CSMD3: variants seen among roughly 807,000 people sequenced by gnomAD.
The protein encoded by CSMD3 is CUB and sushi domain-containing protein 3.
In CSMD3, 177 loss-of-function variants were observed where a neutral mutation model predicts 435.2. The observed-to-expected ratio is 0.41, with a 90% CI of 0.36 to 0.46. The LOEUF is 0.46. Ranked by LOEUF, CSMD3 falls within the 20% of genes least tolerant of loss-of-function variation. The pLI, the probability that CSMD3 is intolerant of heterozygous loss-of-function variation, is 0.34. For synonymous variants in CSMD3, 1,656 were observed against 1,520.5 expected (o/e 1.09, Z -2.07); for missense variants, 4,265 against 4,504.6 (o/e 0.95, Z 1.52).
intron 13 of CSMD3, among the ~76,000 whole-genome samples, chr8:112,739,759 G>A (rs778203226): frequency 7.2e-5 from 11 of 151,848 alleles, no homozygotes; most frequent in East Asian, 1.9e-4. Context: ...GTATAGCATT[G>A]TATAGATAAT....
chr8:112,727,724 T>C (rs2076995587), intron 13 of CSMD3, among the ~76,000 whole-genome samples: 1 of 151,868 alleles, frequency 6.6e-6, no homozygotes, highest in Admixed American at 6.6e-5. Flanking sequence ...TAGGATTGAT[T>C]ATTGATCTAT....
chr8:113,195,526 A>G (rs2092641401), intron 3 of CSMD3, among the ~76,000 whole-genome samples: 1 of 150,714 alleles, frequency 6.6e-6, no homozygotes, highest in South Asian at 2.1e-4. Context: ...TAATATAAGT[A>G]TATCTCAAGT....
At position 113,436,690 on chromosome 8, in the gene CSMD3, C is replaced by A. The variant is rs752456627; in HGVS notation, c.165G>T (p.Val55=). The change falls in exon 1 of 71, where the codon GTG becomes GTT. Residue 55 remains valine, a synonymous_variant. Coordinates refer to ENST00000297405, the MANE Select transcript of CSMD3 (RefSeq NM_198123.2). The stretch of plus-strand genomic sequence containing the variant: ...AAGCAGACCTACCTTTCACACAAGA[C>A]ACCGTCAATAAAAAGACGAGGTTCC... ...TFWNLVFLLT[V]SCVKGFIYTC... 1.2e-6 allele frequency: 2 copies of A among 1,614,062 alleles called. No individual in the cohort carries two copies. The highest frequency in any genetic ancestry group is 1.7e-6 in the Non-Finnish European group (2 of 1,180,044).
chr8:113,335,980 T>C (rs1417886647), intron 1 of CSMD3, among the ~76,000 whole-genome samples: 1 of 152,062 alleles, frequency 6.6e-6, no homozygotes, highest in African/African-American at 2.4e-5. Flanking sequence ...ATTTAGAAAA[T>C]TTTTAGTCAT....
At chr8:113,046,743 G>C (rs1307963393) in intron 5 of CSMD3, among the ~76,000 whole-genome samples, 1 of 152,226 alleles carries the variant, frequency 6.6e-6, no homozygotes, top group East Asian at 1.9e-4. Context: ...GGGAGTCAGG[G>C]ACTTGGAGGG....
At chr8:112,680,769 C>T (rs144176777) in intron 16 of CSMD3, among the ~76,000 whole-genome samples, 11 of 152,180 alleles carry the variant, frequency 7.2e-5, no homozygotes, top group African/African-American at 2.4e-4. Flanking sequence ...CATCATGAGA[C>T]ATTATGAAAA....
At chr8:112,618,314 T>C (rs1004281104) in intron 22 of CSMD3, among the ~76,000 whole-genome samples, 4 of 151,850 alleles carry the variant, frequency 2.6e-5, no homozygotes, top group South Asian at 4.1e-4. Context: ...GGAACAGAAA[T>C]AGAAATAAAA....
intron 6 of CSMD3, among the ~76,000 whole-genome samples, chr8:113,008,705 C>CTAAAA (rs1487199622): frequency 2.6e-5 from 4 of 151,464 alleles, no homozygotes; most frequent in African/African-American, 7.3e-5. Flanking sequence ...CTTTCTAGTA[C>CTAAAA]TATATATTGA....
At chr8:112,712,821 T>G (rs1484174686) in intron 13 of CSMD3, among the ~76,000 whole-genome samples, 1 of 149,922 alleles carries the variant, frequency 6.7e-6, no homozygotes, top group East Asian at 2.0e-4. Flanking sequence ...GAGCCTGAAG[T>G]TTCTCTCATG....
At chr8:113,086,178 G>A (rs1188925024) in intron 5 of CSMD3, among the ~76,000 whole-genome samples, 1 of 151,788 alleles carries the variant, frequency 6.6e-6, no homozygotes, top group Non-Finnish European at 1.5e-5. Context: ...GTACCTGGGA[G>A]GCGGAGCTTG....
intron 31 of CSMD3, among the ~76,000 whole-genome samples, chr8:112,485,524 A>T (rs1020244815): frequency 1.3e-5 from 2 of 152,100 alleles, no homozygotes; most frequent in African/African-American, 4.8e-5. Flanking sequence ...CCCCCAAAAA[A>T]TTTTGTAAAC....
chr8:112,246,165 G>C (rs1814704790), intron 64 of CSMD3, among the ~76,000 whole-genome samples: 1 of 152,146 alleles, frequency 6.6e-6, no homozygotes, highest in East Asian at 1.9e-4. Context: ...ACATAACATG[G>C]CATCTCTGTG....
chr8:113,209,947 C>T lies in CSMD3; in HGVS notation c.515-36031G>A, dbSNP rs184647016. ...CCTGTATTTTCTCTCTTTTCTTTAC[C>T]CTTTTAAAACAATTGACTCTGTTTA... is the stretch of plus-strand genomic sequence containing the variant. On this transcript the variant is annotated intron_variant, in intron 3 of 70. Transcript: ENST00000297405. Among the ~76,000 whole-genome samples, 454 of 149,950 alleles carry T rather than the reference C, an allele frequency of 3.0e-3. 1 individual carries two copies. Among genetic ancestry groups the T allele is most frequent in the Middle Eastern group, 0.01 (3 of 288 alleles).
intron 2 of CSMD3, among the ~76,000 whole-genome samples, chr8:113,307,658 A>T (rs1174669368): frequency 6.6e-6 from 1 of 152,214 alleles, no homozygotes; most frequent in African/African-American, 2.4e-5. Context: ...GATTGCAAAG[A>T]TCCTTATAAT....
At chr8:113,215,278 C>G (rs1434042144) in intron 3 of CSMD3, among the ~76,000 whole-genome samples, 1 of 151,698 alleles carries the variant, frequency 6.6e-6, no homozygotes, top group African/African-American at 2.4e-5. Flanking sequence ...AGGCAGTGGT[C>G]AACATAGGCT....
At chr8:112,634,142 T>A (rs1196688762) in intron 22 of CSMD3, among the ~76,000 whole-genome samples, 2 of 151,824 alleles carry the variant, frequency 1.3e-5, no homozygotes, top group Non-Finnish European at 2.9e-5. Context: ...TAAGAAGAAA[T>A]AAAAGCTGTC....
chr8:112,940,545 A>T (rs995767785), intron 9 of CSMD3, among the ~76,000 whole-genome samples: 2 of 151,828 alleles, frequency 1.3e-5, no homozygotes, highest in Non-Finnish European at 2.9e-5. Context: ...TTTTCAGCAT[A>T]GAAAATGCTG....
rs1447506391 is a variant in CSMD3 at position 113,409,094 on chromosome 8, T to TA, written c.178+27582_178+27583insT. Among the ~76,000 whole-genome samples, 3 of 142,628 alleles carry TA rather than the reference T, an allele frequency of 2.1e-5. No individual in the cohort carries two copies. The East Asian group carries it at 6.1e-4, about 29-fold the overall frequency. The allele number at this position is 142,628 out of a possible 152,430, so 93.6% of individuals were successfully genotyped here. On this transcript the variant is annotated intron_variant, in intron 1 of 70. Transcript: ENST00000297405. ...TCTTCTTCTTCTTTTTTTTTTTTTT[T>TA]TTTTTTTGAGATGGAGTCTCACTCT...
rs950514743 is a variant in CSMD3 at position 112,995,751 on chromosome 8, T to C, written c.1031-19603A>G. On this transcript the variant is annotated intron_variant, in intron 6 of 70. Coordinates refer to ENST00000297405, the MANE Select transcript of CSMD3 (RefSeq NM_198123.2). The stretch of plus-strand genomic sequence containing the variant: ...TAATAGTTCCAAGACTAAAATTCTA[T>C]TAAGATGATTTAACCTGCAAAATGC... 5.9e-5 allele frequency among the ~76,000 whole-genome samples: 9 copies of C among 151,488 alleles called. No individual in the cohort carries two copies. The East Asian group carries it at 9.7e-4, about 16-fold the overall frequency.
Sources: allele counts gnomAD v4.1 joint callset (sites outside exome capture counted in the v4.1 genomes callset), GRCh38; gene constraint gnomAD v4.1.1; transcripts MANE v1.5; gene names NCBI Gene and HGNC (gene_info 2026-07-23, HGNC 2026-07-21).